SPAG9: variants seen among roughly 807,000 people sequenced by gnomAD.
SPAG9 encodes sperm associated antigen 9.
Under a neutral mutation model 166.5 loss-of-function variants are expected in SPAG9, and 35 were observed. That is an observed-to-expected ratio of 0.21 (90% CI 0.16 to 0.28). The LOEUF is 0.28. Ranked by LOEUF, SPAG9 falls within the 10% of genes least tolerant of loss-of-function variation. The pLI, the probability that SPAG9 is intolerant of heterozygous loss-of-function variation, is 1.00. For synonymous variants in SPAG9, 534 were observed against 565.5 expected (o/e 0.94, Z 0.79); for missense variants, 1,235 against 1,603.3 (o/e 0.77, Z 3.92).
intron 3 of SPAG9, among the ~76,000 whole-genome samples, chr17:51,049,808 G>C (rs528367805): frequency 6.6e-6 from 1 of 152,320 alleles, no homozygotes; most frequent in African/African-American, 2.4e-5. Context: ...ATGTTGGCCA[G>C]GCTGGTCTCA....
intron 8 of SPAG9, chr17:51,014,770 T>C (rs1222075709): frequency 6.5e-6 from 1 of 154,016 alleles, no homozygotes; most frequent in African/African-American, 2.4e-5. Context: ...AGGTAAGTTA[T>C]ACACATACAA....
Position 50,990,458 on chromosome 17 carries a change from TTATCCATCAC to T in SPAG9, c.2599_2608del (p.Val867AsnfsTer89). ...AAAGAGAATGGATATACCTGGTGGT[TTATCCATCAC>T]TGGAGAAGCACCATTTGTACTAGGG... On this transcript the variant is annotated frameshift_variant, in exon 20 of 30. Coordinates refer to ENST00000262013, the MANE Select transcript of SPAG9 (RefSeq NM_001130528.3). LOFTEE classifies it high-confidence loss of function. 6.2e-7 allele frequency: 1 copy of T among 1,609,960 alleles called. No homozygotes were observed. The highest frequency in any genetic ancestry group is 8.5e-7 in the Non-Finnish European group (1 of 1,176,138).
At chr17:51,077,013 G>GCTATCTAGCTAT (rs1491314541) in intron 2 of SPAG9, among the ~76,000 whole-genome samples, 2 of 62,900 alleles carry the variant, frequency 3.2e-5, no homozygotes, top group South Asian at 4.4e-4. Flanking sequence ...TAGCTAGCTA[G>GCTATCTAGCTAT]CTAGCTATCT....
chr17:50,993,705 A>G, intron 19 of SPAG9, 59 bp downstream of exon 19: 2 of 1,536,478 alleles, frequency 1.3e-6, no homozygotes, highest in Non-Finnish European at 1.8e-6. Context: ...CTGCTACATC[A>G]GTGCCCAGCA....
At chr17:51,089,637 TATATATATATATATATATATATATATAC>T (rs1251082743) in intron 1 of SPAG9, among the ~76,000 whole-genome samples, 12 of 79,482 alleles carry the variant, frequency 1.5e-4, no homozygotes, top group East Asian at 7.4e-4. Flanking sequence ...TATATATATA[TATATATATATATATATATATATATATAC>T]ACATACACAC....
intron 29 of SPAG9, among the ~76,000 whole-genome samples, chr17:50,967,135 A>G (rs1229682554): frequency 6.6e-6 from 1 of 152,218 alleles, no homozygotes; most frequent in Non-Finnish European, 1.5e-5. Context: ...ACTCCTCTCC[A>G]TAAGACCCAG....
At chr17:50,967,021 G>A (rs1973406928) in intron 29 of SPAG9, among the ~76,000 whole-genome samples, 1 of 152,164 alleles carries the variant, frequency 6.6e-6, no homozygotes, top group Non-Finnish European at 1.5e-5. Context: ...AGAGGTTGGG[G>A]TAGCAGCCAA....
intron 5 of SPAG9, among the ~76,000 whole-genome samples, chr17:51,039,235 G>C (rs1442590502): frequency 6.6e-6 from 1 of 152,060 alleles, no homozygotes; most frequent in African/African-American, 2.4e-5. Context: ...TCAATCTCAG[G>C]GGAAATGATA....
At chr17:50,998,649 T>C (rs372283843) in intron 14 of SPAG9, 32 bp from the exon 15 acceptor site, 1 of 1,594,544 alleles carries the variant, frequency 6.3e-7, no homozygotes, top group Non-Finnish European at 8.6e-7. Context: ...GTGTGTCACA[T>C]GTACTATGAG....
At position 50,993,803 on chromosome 17, in the gene SPAG9, C is replaced by G; in HGVS notation, c.2359G>C (p.Val787Leu). 6.2e-7 allele frequency: 1 copy of G among 1,614,140 alleles called. No individual in the cohort carries two copies. The highest frequency in any genetic ancestry group is 8.5e-7 in the Non-Finnish European group (1 of 1,180,022). Residue 787 changes from valine (V) to leucine (L), a missense_variant, in exon 19 of 30, where the codon GTT becomes CTT. By Grantham distance (32) the Val-to-Leu change is conservative. Transcript: ENST00000262013. ...QPGNILDSFTVCNSHVLCIAS... is the reference protein window; with the variant it reads ...QPGNILDSFTLCNSHVLCIAS... ...ATGCACAGAACATGAGAGTTGCAAA[C>G]AGTGAAACTGTCTAGGATGTTGCCA... is the stretch of plus-strand genomic sequence containing the variant.
chr17:51,059,026 G>A (rs886381069), intron 2 of SPAG9, among the ~76,000 whole-genome samples: 2 of 152,162 alleles, frequency 1.3e-5, no homozygotes, highest in Admixed American at 1.3e-4. Context: ...GAGTAGAATG[G>A]ATAAATATTC....
chr17:51,020,072 C>A (rs2045879733), intron 8 of SPAG9, 87 bp downstream of exon 8: 1 of 725,898 alleles, frequency 1.4e-6, no homozygotes, highest in Admixed American at 2.5e-5. Context: ...ACATCTGAAT[C>A]CATTTTGTCC....
rs190187441 is a variant in SPAG9, at chr17:51,034,662, C to G, written c.742-2940G>C. ...ACAACTCTCCCTGATAGAAGAATTC[C>G]AATTAATAAATGTAGAATGAAGAAA... On this transcript the variant is annotated intron_variant, in intron 5 of 29. Transcript: ENST00000262013. Among the ~76,000 whole-genome samples, 20 of 152,074 alleles carry G rather than the reference C, an allele frequency of 1.3e-4. No homozygotes were observed. The East Asian group carries it at 2.5e-3, about 19-fold the overall frequency.
Position 50,996,649 on chromosome 17 carries a change from C to T in SPAG9, c.1884G>A (p.Gln628=). The part of the protein sequence containing the change: ...LASRREQKRE[Q]YRQVKAHVQK... ...GAACATGTGCTTTTACCTGACGATA[C>T]TGCTCTCTCTTTTGTTCTCTGCGTG... is the stretch of plus-strand genomic sequence containing the variant. Residue 628 remains glutamine (Q), a synonymous_variant, in exon 16 of 30, where the codon CAG becomes CAA. Transcript: ENST00000262013. 1 of 1,614,164 alleles carries T rather than the reference C, an allele frequency of 6.2e-7. No homozygotes were observed. The highest frequency in any genetic ancestry group is 8.5e-7 in the Non-Finnish European group (1 of 1,180,012).
intron 19 of SPAG9, among the ~76,000 whole-genome samples, chr17:50,992,344 A>G (rs915659168): frequency 2.0e-5 from 3 of 152,176 alleles, no homozygotes; most frequent in Admixed American, 1.3e-4. Flanking sequence ...CATCTGTGTT[A>G]TAACATGTGT....
At chr17:51,043,142 G>A (rs368426355) in intron 4 of SPAG9, among the ~76,000 whole-genome samples, 13 of 152,102 alleles carry the variant, frequency 8.5e-5, no homozygotes, top group South Asian at 4.2e-4. Flanking sequence ...TGCCTGCTTC[G>A]GCCTCCCAAA....
intron 8 of SPAG9, among the ~76,000 whole-genome samples, chr17:51,016,696 G>A (rs1165635461): frequency 6.6e-6 from 1 of 152,084 alleles, no homozygotes; most frequent in Non-Finnish European, 1.5e-5. Flanking sequence ...CATGAGGTCG[G>A]GAGTTTGAGA....
intron 8 of SPAG9, among the ~76,000 whole-genome samples, chr17:51,019,110 C>A (rs1296672811): frequency 6.6e-6 from 1 of 152,120 alleles, no homozygotes; most frequent in African/African-American, 2.4e-5. Context: ...TGTCCTTCTT[C>A]TATGTGAAGA....
intron 21 of SPAG9, among the ~76,000 whole-genome samples, chr17:50,988,310 T>C (rs1171413543): frequency 6.6e-6 from 1 of 152,096 alleles, no homozygotes; most frequent in African/African-American, 2.4e-5. Context: ...CCTTGAGCAG[T>C]AGGATATGAA....
Sources: gnomAD v4.1 joint callset for allele counts (sites outside exome capture counted in the v4.1 genomes callset) on GRCh38, gnomAD v4.1.1 for gene constraint, MANE v1.5 for transcripts, NCBI Gene and HGNC (gene_info 2026-07-23, HGNC 2026-07-21) for gene names.